BCAS3: variants seen among roughly 807,000 people sequenced by gnomAD.
The protein encoded by BCAS3 is BCAS4/BCAS3 fusion.
A neutral mutation model predicts 116.1 loss-of-function variants in BCAS3; 53 were observed. The observed-to-expected ratio is 0.46, with a 90% CI of 0.37 to 0.57. BCAS3 has a LOEUF of 0.57. BCAS3 is among the 20% of genes least tolerant of loss of function. The pLI is 0.00. For synonymous variants in BCAS3, 391 were observed against 408.2 expected (o/e 0.96, Z 0.51); for missense variants, 917 against 1,165.4 (o/e 0.79, Z 3.10).
intron 5 of BCAS3, among the ~76,000 whole-genome samples, chr17:60,727,965 G>T (rs1358366899): frequency 6.6e-6 from 1 of 151,836 alleles, no homozygotes; most frequent in Non-Finnish European, 1.5e-5. Context: ...ATGCCACCAT[G>T]CCTGGCTAAT....
intron 6 of BCAS3, among the ~76,000 whole-genome samples, chr17:60,786,678 G>A (rs1014761997): frequency 6.6e-6 from 1 of 151,914 alleles, no homozygotes; most frequent in African/African-American, 2.4e-5. Flanking sequence ...AATTGACTTT[G>A]GTATGGGAGC....
intron 22 of BCAS3, among the ~76,000 whole-genome samples, chr17:61,288,518 C>A (rs1270143369): frequency 6.6e-6 from 1 of 152,130 alleles, no homozygotes; most frequent in Non-Finnish European, 1.5e-5. Context: ...CCCAGTGAGT[C>A]CTTGTTGGCA....
At chr17:61,040,928 G>T (rs1017349861) in intron 19 of BCAS3, 36 bp downstream of exon 19, 3 of 1,528,918 alleles carry the variant, frequency 2.0e-6, no homozygotes, top group Non-Finnish European at 9.1e-7. Flanking sequence ...CTTTCGTATG[G>T]TCTATTCAGA....
At chr17:60,710,758 A>AT (rs1265228185) in intron 5 of BCAS3, among the ~76,000 whole-genome samples, 2 of 148,502 alleles carry the variant, frequency 1.3e-5, no homozygotes, top group African/African-American at 5.0e-5. Context: ...AAAAATGTTT[A>AT]TTTTTTGATA....
At chr17:61,264,124 G>T (rs745592303) in intron 22 of BCAS3, among the ~76,000 whole-genome samples, 1 of 151,932 alleles carries the variant, frequency 6.6e-6, no homozygotes, top group Non-Finnish European at 1.5e-5. Flanking sequence ...AAGATTAAAT[G>T]AGTTTATATA....
chr17:60,909,665 G>A (rs752348836), intron 11 of BCAS3, among the ~76,000 whole-genome samples: 74 of 151,860 alleles, frequency 4.9e-4, no homozygotes, highest in Non-Finnish European at 9.6e-4. Flanking sequence ...TTTTTCTGTA[G>A]ACTCAGAAAC....
Position 61,128,715 on chromosome 17 carries a change from A to C in BCAS3, c.2425+44151A>C. On this transcript the variant is annotated intron_variant, in intron 22 of 23. Transcript: ENST00000407086. This position sits in a 1 kb window ranked among gnomAD's most constrained non-coding sequence, Gnocchi z 4.1. ...AAACCAGCATATTGGCAGTCGTCTC[A>C]CAACATGATTTTGCATTTACATCAT... The C allele has an allele frequency of 8.0e-6, 5 of 622,602 alleles. No individual in the cohort carries two copies. Among genetic ancestry groups the C allele is most frequent in the Non-Finnish European group, 8.0e-6 (4 of 498,908 alleles). 38.6% of individuals were successfully genotyped at this position (622,602 alleles called of 1,614,324 possible).
chr17:60,793,151 G>A (rs1243715010), intron 6 of BCAS3, among the ~76,000 whole-genome samples: 4 of 152,086 alleles, frequency 2.6e-5, no homozygotes, highest in African/African-American at 9.7e-5. Flanking sequence ...AGGCTGGAGT[G>A]CAGTGGCACG....
At chr17:61,295,410 C>A (rs1201529047) in intron 22 of BCAS3, among the ~76,000 whole-genome samples, 2 of 152,224 alleles carry the variant, frequency 1.3e-5, no homozygotes, top group East Asian at 3.9e-4. Flanking sequence ...CTGTCTCTGA[C>A]ACTAAATGCC....
intron 7 of BCAS3, among the ~76,000 whole-genome samples, chr17:60,819,624 C>T (rs9783842): frequency 0.16 from 24,198 of 152,104 alleles, 2,662 homozygotes; most frequent in African/African-American, 0.32. Flanking sequence ...AGGGCCCTTG[C>T]TGGAAACAGA....
In BCAS3 at chr17:60,768,641, A is replaced by G. The variant is rs114234467; in HGVS notation, c.403+21362A>G. ...ATCTCCTATTCTGTTCCTCTAGAGA[A>G]CCCTGACTAATATGGTAGCTTTGAG... is the stretch of plus-strand genomic sequence containing the variant. On this transcript the variant is annotated intron_variant, in intron 6 of 23. Coordinates refer to ENST00000407086, the MANE Select transcript of BCAS3 (RefSeq NM_017679.5). 9.0e-3 allele frequency among the ~76,000 whole-genome samples: 1,374 copies of G among 152,138 alleles called. 24 individuals are homozygous for G. Among genetic ancestry groups the G allele is most frequent in the African/African-American group, 0.032 (1,315 of 41,466 alleles).
At chr17:61,154,133 T>A (rs1264028306) in intron 22 of BCAS3, among the ~76,000 whole-genome samples, 2 of 152,210 alleles carry the variant, frequency 1.3e-5, no homozygotes, top group Non-Finnish European at 2.9e-5. Flanking sequence ...CGCACTGCCT[T>A]CCTTCAGTTT....
rs149171887 is a variant in BCAS3 at position 60,710,346 on chromosome 17, T to G, written c.321+1021T>G. ...TGTATTACCTCAGATTTAATGGAAG[T>G]CAGGATATTCTCAAGTACAGAATTT... On this transcript the variant is annotated intron_variant, in intron 5 of 23. Coordinates refer to ENST00000407086, the MANE Select transcript of BCAS3 (RefSeq NM_017679.5). Among the ~76,000 whole-genome samples, 289 of 152,220 alleles carry G rather than the reference T, an allele frequency of 1.9e-3. 2 individuals are homozygous for G. Among genetic ancestry groups the G allele is most frequent in the African/African-American group, 6.6e-3 (274 of 41,540 alleles).
chr17:61,129,589 G>A (rs2076225166), intron 22 of BCAS3, among the ~76,000 whole-genome samples: 1 of 152,240 alleles, frequency 6.6e-6, no homozygotes, highest in Admixed American at 6.5e-5. Flanking sequence ...CTTTACAGCA[G>A]CCAGTCTTGA....
chr17:61,018,290 G>GTTTTTTTTTTTTTTT (rs10570881), intron 16 of BCAS3, among the ~76,000 whole-genome samples: 2 of 83,066 alleles, frequency 2.4e-5, no homozygotes, highest in Non-Finnish European at 4.7e-5. Flanking sequence ...AAATTCCCCA[G>GTTTTTTTTTTTTTTT]TTTTTTTTTT....
rs1424250597 is a variant in BCAS3, at chr17:61,366,307, G to A, written c.2426-2020G>A. On this transcript the variant is annotated intron_variant, in intron 22 of 23. Coordinates refer to ENST00000407086, the MANE Select transcript of BCAS3 (RefSeq NM_017679.5). This position sits in a 1 kb window ranked among gnomAD's most constrained non-coding sequence, Gnocchi z 4.5. ...GTCTAGTGGGGGAAGTGCTGGAAGT[G>A]GGGACTTTGCTTAATCTCTTCACTC... Among the ~76,000 whole-genome samples the A allele has an allele frequency of 6.6e-6, 1 of 152,186 alleles. No individual in the cohort carries two copies. Among genetic ancestry groups the A allele is most frequent in the Non-Finnish European group, 1.5e-5 (1 of 68,026 alleles).
At position 61,233,217 on chromosome 17, in the gene BCAS3, T is replaced by G. The variant is rs1002700200; in HGVS notation, c.2426-135110T>G. Among the ~76,000 whole-genome samples the G allele has an allele frequency of 8.5e-5, 13 of 152,198 alleles. No homozygotes were observed. ...ATAATGGAAAGGAGGTGATAAAGAT[T>G]AGAGCTGATTGGGAAGGTTCTGAAT... On this transcript the variant is annotated intron_variant, in intron 22 of 23. Coordinates refer to ENST00000407086, the MANE Select transcript of BCAS3 (RefSeq NM_017679.5). This position sits in a 1 kb window ranked among gnomAD's most constrained non-coding sequence, Gnocchi z 4.3.
At chr17:61,102,547 A>C (rs189171346) in intron 22 of BCAS3, among the ~76,000 whole-genome samples, 15 of 152,250 alleles carry the variant, frequency 9.9e-5, no homozygotes, top group Admixed American at 8.5e-4. Context: ...CTACCTCCCA[A>C]CTTTGGCAGT....
At chr17:61,317,428 C>T (rs2054835575) in intron 22 of BCAS3, among the ~76,000 whole-genome samples, 1 of 152,164 alleles carries the variant, frequency 6.6e-6, no homozygotes, top group Admixed American at 6.5e-5. Context: ...CAAGCCTTTC[C>T]CACACACCTG....
Sources: allele counts gnomAD v4.1 joint callset (sites outside exome capture counted in the v4.1 genomes callset), GRCh38; gene constraint gnomAD v4.1.1; non-coding constraint Gnocchi (gnomAD v3.1); transcripts MANE v1.5; gene names NCBI Gene and HGNC (gene_info 2026-07-23, HGNC 2026-07-21).